The following RCAN3 variants were observed in gnomAD, a reference collection of about 807,000 sequenced individuals.
RCAN3 encodes the protein regulator of calcineurin 3.
Under a neutral mutation model 21.9 loss-of-function variants are expected in RCAN3, and 19 were observed. The ratio of observed to expected loss-of-function variants is 0.87; its 90% CI spans 0.61 to 1.27. RCAN3 has a LOEUF of 1.27. Ranked by LOEUF, RCAN3 falls within the 50% of genes most tolerant of loss-of-function variation. The pLI, the probability that RCAN3 is intolerant of heterozygous loss-of-function variation, is 0.00. For missense variants in RCAN3, 240 were observed against 300.1 expected (o/e 0.80, Z 1.48); for synonymous variants, 114 against 112.3 (o/e 1.01, Z -0.09).
chr1:24,533,394 C>G, intron 4 of RCAN3, 140 bp downstream of exon 4: 1 of 585,786 alleles, frequency 1.7e-6, no homozygotes. Flanking sequence ...CCAGCTGTGG[C>G]ATCTGCTTGC....
chr1:24,530,771 G>A (rs371199894), intron 2 of RCAN3, among the ~76,000 whole-genome samples: 3 of 152,200 alleles, frequency 2.0e-5, no homozygotes, highest in African/African-American at 7.2e-5. Flanking sequence ...AGCACTTTGG[G>A]AGGCCCAGGT....
intron 4 of RCAN3, among the ~76,000 whole-genome samples, chr1:24,534,259 A>G (rs1374779833): frequency 6.6e-6 from 1 of 152,134 alleles, no homozygotes; most frequent in East Asian, 1.9e-4. Flanking sequence ...GGGAGTGCCT[A>G]TGCTGCCTGG....
At chr1:24,533,855 A>G (rs912351926) in intron 4 of RCAN3, among the ~76,000 whole-genome samples, 4 of 152,220 alleles carry the variant, frequency 2.6e-5, no homozygotes, top group African/African-American at 9.6e-5. Context: ...AATACTCAGT[A>G]AATGTAACTA....
intron 2 of RCAN3, among the ~76,000 whole-genome samples, chr1:24,528,737 A>G (rs973272810): frequency 6.6e-6 from 1 of 152,236 alleles, no homozygotes; most frequent in African/African-American, 2.4e-5. Context: ...GTACGAAAAA[A>G]TAACACATCC....
intron 2 of RCAN3, among the ~76,000 whole-genome samples, chr1:24,523,634 A>ACACACG (rs1206262094): frequency 1.5e-5 from 2 of 137,226 alleles, no homozygotes; most frequent in African/African-American, 6.5e-5. Flanking sequence ...ACACACACAC[A>ACACACG]CACACACATA....
chr1:24,503,214 A>T (rs1175225376), intron 1 of RCAN3, 64 bp downstream of exon 1: 3 of 25,240 alleles, frequency 1.2e-4, no homozygotes, highest in African/African-American at 1.2e-3. Context: ...ATGAAAAGTT[A>T]AAAAAAAAAA....
chr1:24,525,085 C>T lies in RCAN3; in HGVS notation c.196-6133C>T, dbSNP rs1649157250. ...TGAAACAGCTAAACCTTGCCTTCTCCGAATTGGGATGGGGCAACAGAGTGG... is the reference window on the plus strand; with the variant it reads ...TGAAACAGCTAAACCTTGCCTTCTCTGAATTGGGATGGGGCAACAGAGTGG... On this transcript the variant is annotated intron_variant, in intron 2 of 4. Coordinates refer to ENST00000374395, the MANE Select transcript of RCAN3 (RefSeq NM_013441.4). The surrounding 1 kb of genome is among the most constrained non-coding windows in gnomAD (Gnocchi z 4.1). 6.6e-6 allele frequency among the ~76,000 whole-genome samples: 1 copy of T among 152,042 alleles called. No homozygotes were observed. Among genetic ancestry groups the T allele is most frequent in the African/African-American group, 2.4e-5 (1 of 41,376 alleles).
intron 2 of RCAN3, among the ~76,000 whole-genome samples, chr1:24,524,248 G>A (rs577015515): frequency 6.6e-6 from 1 of 152,178 alleles, no homozygotes; most frequent in African/African-American, 2.4e-5. Flanking sequence ...GTTCCAATAA[G>A]TCAGAGTTTG....
At chr1:24,529,998 C>CAAA (rs201761424) in intron 2 of RCAN3, among the ~76,000 whole-genome samples, 42 of 96,942 alleles carry the variant, frequency 4.3e-4, no homozygotes, top group African/African-American at 1.5e-3. Context: ...GACCCCATCT[C>CAAA]AAAAAAAAAA....
At chr1:24,524,630 C>T (rs1649106792) in intron 2 of RCAN3, among the ~76,000 whole-genome samples, 2 of 152,090 alleles carry the variant, frequency 1.3e-5, no homozygotes. Context: ...GAAATGGAGG[C>T]CTTGCCTTTG....
At chr1:24,510,270 C>T (rs1397305866) in intron 1 of RCAN3, among the ~76,000 whole-genome samples, 4 of 152,180 alleles carry the variant, frequency 2.6e-5, no homozygotes, top group Non-Finnish European at 5.9e-5. Context: ...GCCTGTCCTT[C>T]GAAGCTTTGA....
chr1:24,532,587 CT>C (rs1455754896), intron 3 of RCAN3, among the ~76,000 whole-genome samples: 1 of 151,746 alleles, frequency 6.6e-6, no homozygotes, highest in Non-Finnish European at 1.5e-5. Flanking sequence ...TGGCCATGTG[CT>C]GTACACTGAG....
intron 2 of RCAN3, among the ~76,000 whole-genome samples, chr1:24,515,871 G>T (rs1339448842): frequency 6.6e-6 from 1 of 152,134 alleles, no homozygotes; most frequent in Non-Finnish European, 1.5e-5. Flanking sequence ...GTGGCCGGGC[G>T]TGGTGGCTCA....
At chr1:24,530,946 G>T (rs1018489680) in intron 2 of RCAN3, among the ~76,000 whole-genome samples, 25 of 152,118 alleles carry the variant, frequency 1.6e-4, no homozygotes, top group Non-Finnish European at 1.8e-4. Context: ...AGAGGTGGAG[G>T]TTGCAGTGAG....
chr1:24,524,966 C>T (rs1649147398), intron 2 of RCAN3, among the ~76,000 whole-genome samples: 1 of 151,668 alleles, frequency 6.6e-6, no homozygotes, highest in African/African-American at 2.4e-5. Flanking sequence ...TCCTCCCACT[C>T]TTTAATGTTT....
chr1:24,523,631 CACACACACACAT>C (rs1649003782), intron 2 of RCAN3, among the ~76,000 whole-genome samples: 4 of 138,768 alleles, frequency 2.9e-5, no homozygotes, highest in East Asian at 2.0e-4. Context: ...CACACACACA[CACACACACACAT>C]ATATATTTTT....
intron 2 of RCAN3, among the ~76,000 whole-genome samples, chr1:24,516,827 G>C (rs937444004): frequency 1.8e-4 from 28 of 152,128 alleles, no homozygotes; most frequent in African/African-American, 5.8e-4. Flanking sequence ...GCAGGGAAGG[G>C]GGCTGCACTC....
intron 4 of RCAN3, among the ~76,000 whole-genome samples, chr1:24,534,755 G>A (rs770669654): frequency 1.8e-4 from 27 of 152,166 alleles, no homozygotes; most frequent in South Asian, 4.1e-4. Context: ...AGCCGAGATC[G>A]TGCCACTGCA....
At position 24,534,183 on chromosome 1, in the gene RCAN3, G is replaced by T. The variant is rs796380120; in HGVS notation, c.542-910G>T. Among the ~76,000 whole-genome samples, 9 of 152,336 alleles carry T rather than the reference G, an allele frequency of 5.9e-5. No homozygotes were observed. In the South Asian group the frequency reaches 1.9e-3, roughly 32 times the overall value. On this transcript the variant is annotated intron_variant, in intron 4 of 4. Coordinates refer to ENST00000374395, the MANE Select transcript of RCAN3 (RefSeq NM_013441.4). The stretch of plus-strand genomic sequence containing the variant: ...GGAATAAAAGAGGCATTTTGAGGAA[G>T]AAGTGATTCAGTGCTGTTTTTAGAC...
Sources: gnomAD v4.1 joint callset for allele counts (sites outside exome capture counted in the v4.1 genomes callset) on GRCh38, gnomAD v4.1.1 for gene constraint, Gnocchi (gnomAD v3.1) non-coding constraint, MANE v1.5 for transcripts, NCBI Gene and HGNC (gene_info 2026-07-23, HGNC 2026-07-21) for gene names.